Variants in GRB10 observed in about 807,000 individuals in gnomAD.
GRB10 encodes the protein growth factor receptor-bound protein 10.
A neutral mutation model predicts 80.9 loss-of-function variants in GRB10; 20 were observed. The observed-to-expected ratio is 0.25, with a 90% CI of 0.17 to 0.36. GRB10 has a LOEUF of 0.36. Ranked by LOEUF, GRB10 falls within the 10% of genes least tolerant of loss-of-function variation. The pLI is 1.00. For synonymous variants in GRB10, 291 were observed against 291.5 expected (o/e 1.00, Z 0.02); for missense variants, 548 against 747.7 (o/e 0.73, Z 3.12).
intron 6 of GRB10, among the ~76,000 whole-genome samples, chr7:50,673,293 C>T (rs1197692698): frequency 6.6e-6 from 1 of 152,174 alleles, no homozygotes; most frequent in African/African-American, 2.4e-5. Context: ...CGCAGGGTCC[C>T]ACGGAGCCCC....
chr7:50,712,177 C>A (rs1348916172), intron 4 of GRB10, among the ~76,000 whole-genome samples: 1 of 152,230 alleles, frequency 6.6e-6, no homozygotes, highest in Non-Finnish European at 1.5e-5. Flanking sequence ...GCAAGGTGTA[C>A]AAAACTAGTC....
chr7:50,635,468 C>G (rs570977051), intron 7 of GRB10, among the ~76,000 whole-genome samples: 9 of 151,206 alleles, frequency 6.0e-5, no homozygotes, highest in African/African-American at 1.9e-4. Flanking sequence ...CCTCAAGGAA[C>G]TAAAAAAACA....
chr7:50,608,013 G>A (rs1156936857), intron 13 of GRB10, among the ~76,000 whole-genome samples: 3 of 152,164 alleles, frequency 2.0e-5, no homozygotes, highest in Non-Finnish European at 4.4e-5. Context: ...ATGATGCAAA[G>A]GTCTAATACA....
At chr7:50,790,315 G>C (rs979516044) in intron 1 of GRB10, among the ~76,000 whole-genome samples, 1 of 152,134 alleles carries the variant, frequency 6.6e-6, no homozygotes, top group African/African-American at 2.4e-5. Flanking sequence ...GTAGTTGGAC[G>C]ACCTTAATTT....
intron 2 of GRB10, among the ~76,000 whole-genome samples, chr7:50,772,873 T>C: frequency 6.6e-6 from 1 of 152,224 alleles, no homozygotes; most frequent in East Asian, 1.9e-4. Context: ...AGAGTATTAA[T>C]ATCTAGAATA....
At chr7:50,785,898 C>T (rs970177663), upstream of GRB10, among the ~76,000 whole-genome samples, 1 of 152,010 alleles carries the variant, frequency 6.6e-6, no homozygotes, top group Non-Finnish European at 1.5e-5. Context: ...GAATATTATG[C>T]CATTAAAAAA....
intron 4 of GRB10, among the ~76,000 whole-genome samples, chr7:50,709,536 T>C: frequency 6.7e-6 from 1 of 149,068 alleles, no homozygotes; most frequent in African/African-American, 2.5e-5. Context: ...AGCTGCTTTC[T>C]CCAGACCCCT....
chr7:50,666,870 C>A (rs1280193189), intron 7 of GRB10, among the ~76,000 whole-genome samples: 2 of 152,034 alleles, frequency 1.3e-5, no homozygotes, highest in African/African-American at 4.8e-5. Flanking sequence ...GAAACCCCGT[C>A]TCTACTAAAA....
At chr7:50,666,613 C>T (rs2059832292) in intron 7 of GRB10, among the ~76,000 whole-genome samples, 1 of 152,132 alleles carries the variant, frequency 6.6e-6, no homozygotes. Context: ...AGCACGCGGG[C>T]CAGGGGGCTC....
chr7:50,765,061 T>C (rs1418513021), intron 2 of GRB10, among the ~76,000 whole-genome samples: 1 of 152,136 alleles, frequency 6.6e-6, no homozygotes, highest in Non-Finnish European at 1.5e-5. Context: ...CCAACAGGTG[T>C]ATCCAAAAAA....
chr7:50,604,301 C>A lies in GRB10; in HGVS notation c.1456+10G>T. The A allele has an allele frequency of 6.2e-7, 1 of 1,605,146 alleles. No homozygotes were observed. Among genetic ancestry groups the A allele is most frequent in the East Asian group, 2.2e-5 (1 of 44,854 alleles). ...ATGTACAAAAACATCAGGCAATGTG[C>A]CCTGTTTACCTGTACTTAGGGTAGA... On this transcript the variant is annotated intron_variant, in intron 16 of 18. Coordinates refer to ENST00000401949, the MANE Select transcript of GRB10 (RefSeq NM_001350814.2).
intron 7 of GRB10, 35 bp downstream of exon 7, chr7:50,669,687 C>A (rs2072235): frequency 6.2e-7 from 1 of 1,601,476 alleles, no homozygotes; most frequent in Non-Finnish European, 8.5e-7. Context: ...TCTGGCATAT[C>A]CCTCAGCCTG....
At chr7:50,758,232 A>T (rs2153704198) in intron 2 of GRB10, among the ~76,000 whole-genome samples, 1 of 152,198 alleles carries the variant, frequency 6.6e-6, no homozygotes, top group South Asian at 2.1e-4. Flanking sequence ...CCAGACCACC[A>T]ACACCCCGAG....
At chr7:50,605,173 C>T in intron 15 of GRB10, 117 bp downstream of exon 15, 1 of 763,192 alleles carries the variant, frequency 1.3e-6, no homozygotes, top group Non-Finnish European at 2.2e-6. Context: ...ACTCACCCCA[C>T]CCAACATGGC....
At chr7:50,746,174 G>A (rs2072856423) in intron 3 of GRB10, among the ~76,000 whole-genome samples, 1 of 152,184 alleles carries the variant, frequency 6.6e-6, no homozygotes, top group Non-Finnish European at 1.5e-5. Context: ...TCTTTATGAT[G>A]AGTTGATGAG....
At chr7:50,608,057 A>G (rs1298066406) in intron 13 of GRB10, among the ~76,000 whole-genome samples, 1 of 152,248 alleles carries the variant, frequency 6.6e-6, no homozygotes, top group Non-Finnish European at 1.5e-5. Flanking sequence ...GAAGAGCAAG[A>G]ACAGGTCAGG....
intron 3 of GRB10, among the ~76,000 whole-genome samples, chr7:50,752,207 A>G (rs1378822301): frequency 2.0e-5 from 3 of 152,198 alleles, no homozygotes; most frequent in Admixed American, 6.5e-5. Context: ...ACAGTGAAGC[A>G]AAGTTATTAG....
intron 2 of GRB10, among the ~76,000 whole-genome samples, chr7:50,773,648 A>G (rs977623856): frequency 6.6e-6 from 1 of 152,218 alleles, no homozygotes; most frequent in Non-Finnish European, 1.5e-5. Context: ...CAGTTCCTCA[A>G]AAAGCTAAGC....
intron 7 of GRB10, among the ~76,000 whole-genome samples, chr7:50,638,580 G>A (rs1200739528): frequency 6.6e-6 from 1 of 152,104 alleles, no homozygotes; most frequent in African/African-American, 2.4e-5. Flanking sequence ...TTACTTAAAA[G>A]TCAACAAAAC....
Sources: allele counts gnomAD v4.1 joint callset (sites outside exome capture counted in the v4.1 genomes callset), GRCh38; gene constraint gnomAD v4.1.1; transcripts MANE v1.5; gene names NCBI Gene and HGNC (gene_info 2026-07-23, HGNC 2026-07-21).